Variants in DAB1 observed in about 807,000 individuals in gnomAD.
The protein encoded by DAB1 is disabled homolog 1.
Under a neutral mutation model 64.6 loss-of-function variants are expected in DAB1, and 15 were observed. That is an observed-to-expected ratio of 0.23 (90% CI 0.16 to 0.36). The LOEUF (loss-of-function observed/expected upper bound fraction) is 0.36, where lower values mean the gene tolerates loss of function less well. Ranked by LOEUF, DAB1 falls within the 10% of genes least tolerant of loss-of-function variation. The pLI is 1.00. For missense variants in DAB1, 596 were observed against 706.7 expected (o/e 0.84, Z 1.78); for synonymous variants, 235 against 251.9 (o/e 0.93, Z 0.64).
intron 3 of DAB1, among the ~76,000 whole-genome samples, chr1:58,486,722 G>A (rs996908010): frequency 1.3e-5 from 2 of 152,170 alleles, no homozygotes; most frequent in African/African-American, 2.4e-5. Context: ...GAAGGGAAGC[G>A]ATTTAAGATT....
chr1:57,814,846 G>T (rs565408176), intron 6 of DAB1, among the ~76,000 whole-genome samples: 103 of 152,192 alleles, frequency 6.8e-4, no homozygotes, highest in African/African-American at 2.1e-3. Context: ...TTCATTGTAT[G>T]AGTGTGAGCA....
intron 7 of DAB1, among the ~76,000 whole-genome samples, chr1:57,433,732 A>G (rs889533605): frequency 6.6e-6 from 1 of 152,070 alleles, no homozygotes; most frequent in African/African-American, 2.4e-5. Context: ...AACTTGGGGA[A>G]AATATTCACA....
chr1:58,215,079 C>T (rs986622671), intron 4 of DAB1, among the ~76,000 whole-genome samples: 1 of 152,142 alleles, frequency 6.6e-6, no homozygotes, highest in Non-Finnish European at 1.5e-5. Flanking sequence ...TTACTGAAAC[C>T]ATTAGCATAA....
chr1:58,513,620 A>G lies in DAB1; in HGVS notation n.108-7411T>C, dbSNP rs558425326. 2.6e-5 allele frequency among the ~76,000 whole-genome samples: 4 copies of G among 152,338 alleles called. No homozygotes were observed. In the East Asian group the frequency reaches 7.7e-4, roughly 29 times the overall value. The stretch of plus-strand genomic sequence containing the variant: ...GTCCTAGAATATTTTTTGAGACTGT[A>G]AACTAAGATAATGGAGAGACTACAG... On this transcript the variant is annotated intron_variant and non_coding_transcript_variant, in intron 2 of 20. Transcript: ENST00000485760.
chr1:57,984,725 T>C (rs1443425583), intron 5 of DAB1, among the ~76,000 whole-genome samples: 1 of 152,228 alleles, frequency 6.6e-6, no homozygotes, highest in Non-Finnish European at 1.5e-5. Context: ...GATCTGTAAG[T>C]CAGTTAAATT....
intron 4 of DAB1, among the ~76,000 whole-genome samples, chr1:58,161,170 T>C (rs1442652946): frequency 2.0e-5 from 3 of 152,350 alleles, no homozygotes; most frequent in East Asian, 1.9e-4. Flanking sequence ...CCTTTGTTCA[T>C]TTATTTAATA....
intron 5 of DAB1, among the ~76,000 whole-genome samples, chr1:57,966,490 G>A (rs189540494): frequency 6.6e-5 from 10 of 152,256 alleles, no homozygotes; most frequent in East Asian, 5.8e-4. Flanking sequence ...TGAAACTATC[G>A]TTGGACTTTT....
chr1:57,698,306 C>G (rs887307955), intron 6 of DAB1, among the ~76,000 whole-genome samples: 2 of 151,476 alleles, frequency 1.3e-5, no homozygotes, highest in African/African-American at 4.9e-5. Context: ...CTATGTTACC[C>G]AGGCTGGCCT....
chr1:58,446,925 A>T (rs894820800), intron 3 of DAB1, among the ~76,000 whole-genome samples: 1 of 152,202 alleles, frequency 6.6e-6, no homozygotes, highest in Non-Finnish European at 1.5e-5. Context: ...AGGGATGACA[A>T]GCTGTTCCAG....
intron 4 of DAB1, among the ~76,000 whole-genome samples, chr1:58,264,306 T>A (rs757934440): frequency 6.6e-6 from 1 of 152,202 alleles, no homozygotes; most frequent in Non-Finnish European, 1.5e-5. Flanking sequence ...TTAGAGACCA[T>A]CTATTCTTAG....
At chr1:58,128,019 G>T (rs1318162280) in intron 5 of DAB1, among the ~76,000 whole-genome samples, 1 of 151,690 alleles carries the variant, frequency 6.6e-6, no homozygotes, top group Non-Finnish European at 1.5e-5. Flanking sequence ...GCTTGATGGG[G>T]ATGGCATTGA....
chr1:57,932,529 A>C (rs1368285646), intron 5 of DAB1, among the ~76,000 whole-genome samples: 1 of 151,416 alleles, frequency 6.6e-6, no homozygotes, highest in Non-Finnish European at 1.5e-5. Context: ...GTCAGATAGA[A>C]GGGTATTAAA....
intron 6 of DAB1, among the ~76,000 whole-genome samples, chr1:57,650,860 T>G (rs1646248227): frequency 2.0e-5 from 3 of 152,194 alleles, no homozygotes; most frequent in Non-Finnish European, 4.4e-5. Flanking sequence ...CTCCCCTGTT[T>G]GTGAGTGCCT....
At chr1:57,301,377 C>T (rs1271944618) in intron 1 of DAB1, among the ~76,000 whole-genome samples, 1 of 152,100 alleles carries the variant, frequency 6.6e-6, no homozygotes, top group African/African-American at 2.4e-5. Flanking sequence ...GCCATGATAC[C>T]ATTCCTCATT....
At chr1:57,487,983 T>C (rs1455763364) in intron 7 of DAB1, among the ~76,000 whole-genome samples, 1 of 152,214 alleles carries the variant, frequency 6.6e-6, no homozygotes, top group Admixed American at 6.5e-5. Flanking sequence ...ACAAATGAAC[T>C]CACAAGCTAA....
chr1:57,059,715 T>G (rs984431770), intron 9 of DAB1, among the ~76,000 whole-genome samples: 9 of 152,016 alleles, frequency 5.9e-5, no homozygotes, highest in Non-Finnish European at 1.3e-4. Context: ...TAAACTACTC[T>G]GACCTCTAAT....
intron 2 of DAB1, among the ~76,000 whole-genome samples, chr1:57,192,027 T>C (rs1453054605): frequency 3.9e-5 from 6 of 152,002 alleles, no homozygotes; most frequent in Non-Finnish European, 2.9e-5. Context: ...TTAAGAGTAG[T>C]GTGGCTAAGG....
At chr1:58,396,932 G>C (rs1199452385) in intron 3 of DAB1, among the ~76,000 whole-genome samples, 1 of 152,140 alleles carries the variant, frequency 6.6e-6, no homozygotes, top group East Asian at 1.9e-4. Flanking sequence ...GGGCGTAGTG[G>C]TGGGCTCCTG....
chr1:58,518,350 GAAGGGAAGGGAAGA>G (rs2100445812), intron 2 of DAB1, among the ~76,000 whole-genome samples: 4 of 44,094 alleles, frequency 9.1e-5, no homozygotes, highest in Non-Finnish European at 1.7e-4. Flanking sequence ...GAAGAGAAGA[GAAGGGAAGGGAAGA>G]GAAGAGAAGG....
Sources: allele counts gnomAD v4.1 joint callset (sites outside exome capture counted in the v4.1 genomes callset), GRCh38; gene constraint gnomAD v4.1.1; transcripts MANE v1.5; gene names NCBI Gene and HGNC (gene_info 2026-07-23, HGNC 2026-07-21).